ZNF573: variants seen among roughly 807,000 people sequenced by gnomAD.
ZNF573 encodes zinc finger protein 573.
Under a neutral mutation model 57.4 loss-of-function variants are expected in ZNF573, and 41 were observed. The ratio of observed to expected loss-of-function variants is 0.71; its 90% CI spans 0.56 to 0.93. ZNF573 has a LOEUF of 0.93. ZNF573 is among the 40% of genes least tolerant of loss of function. The pLI is 0.00. For missense variants in ZNF573, 730 were observed against 794.8 expected (o/e 0.92, Z 0.98); for synonymous variants, 249 against 261.0 (o/e 0.95, Z 0.44).
chr19:37,761,395 C>T (rs546995451), intron 4 of ZNF573, among the ~76,000 whole-genome samples: 3 of 152,012 alleles, frequency 2.0e-5, no homozygotes, highest in Admixed American at 1.3e-4. Flanking sequence ...CTTCTCTTGC[C>T]CTCCTGTCTC....
chr19:37,738,606 A>T lies in ZNF573; in HGVS notation c.1884T>A (p.His628Gln). The change falls in exon 5 of 5, where the codon CAT becomes CAA. Residue 628 changes from histidine to glutamine, a missense_variant. Physicochemically the swap from His to Gln is conservative, Grantham distance 24 (BLOSUM62 0). Transcript: ENST00000536220. ...AFSRASNLVQ[H>Q]ERIHTGEKPY... is the part of the protein sequence containing the mutation. The stretch of plus-strand genomic sequence containing the variant: ...GTTTCTCACCAGTATGAATTCTCTC[A>T]TGTTGAACAAGGTTTGAAGCACGAC... 1 of 1,611,484 alleles carries T rather than the reference A, an allele frequency of 6.2e-7. No homozygotes were observed. Among genetic ancestry groups the T allele is most frequent in the Non-Finnish European group, 8.5e-7 (1 of 1,178,824 alleles).
At chr19:37,767,722 A>G (rs1221529667) in intron 4 of ZNF573, among the ~76,000 whole-genome samples, 2 of 152,206 alleles carry the variant, frequency 1.3e-5, no homozygotes, top group Non-Finnish European at 2.9e-5. Context: ...TTTAGAGGAT[A>G]TAGAGGGGTC....
At chr19:37,758,771 G>A (rs1214772761) in intron 4 of ZNF573, among the ~76,000 whole-genome samples, 1 of 151,902 alleles carries the variant, frequency 6.6e-6, no homozygotes, top group African/African-American at 2.4e-5. Flanking sequence ...AGAAATGTCT[G>A]GTAATTCTTG....
intron 4 of ZNF573, among the ~76,000 whole-genome samples, chr19:37,753,657 C>G (rs2045460169): frequency 6.6e-6 from 1 of 152,054 alleles, no homozygotes; most frequent in Non-Finnish European, 1.5e-5. Context: ...TAAAAAGCCA[C>G]TATGTATACC....
chr19:37,778,764 C>G (rs931273713), intron 1 of ZNF573, among the ~76,000 whole-genome samples: 4 of 152,028 alleles, frequency 2.6e-5, no homozygotes, highest in Non-Finnish European at 5.9e-5. Context: ...CAGGCCTTTC[C>G]TTGAAGCACG....
intron 4 of ZNF573, among the ~76,000 whole-genome samples, chr19:37,766,827 T>C (rs910874442): frequency 6.6e-6 from 1 of 152,054 alleles, no homozygotes; most frequent in Admixed American, 6.6e-5. Flanking sequence ...ATAAAATAAA[T>C]AAAATAAACT....
intron 4 of ZNF573, among the ~76,000 whole-genome samples, chr19:37,760,823 A>C (rs1599698621): frequency 2.0e-5 from 3 of 151,840 alleles, no homozygotes; most frequent in East Asian, 3.9e-4. Flanking sequence ...GTCTGTCTGA[A>C]GAAAAAAAAA....
intron 4 of ZNF573, among the ~76,000 whole-genome samples, chr19:37,754,278 T>C (rs2045465939): frequency 6.6e-6 from 1 of 151,976 alleles, no homozygotes. Context: ...TCCCAGCACT[T>C]TGGGAGGCCG....
At chr19:37,753,948 A>G (rs985643545) in intron 4 of ZNF573, among the ~76,000 whole-genome samples, 4 of 152,068 alleles carry the variant, frequency 2.6e-5, no homozygotes, top group Admixed American at 6.6e-5. Flanking sequence ...ATATACAAGA[A>G]CTCTCACAAT....
chr19:37,743,293 C>T (rs925720940), intron 4 of ZNF573, among the ~76,000 whole-genome samples: 3 of 130,790 alleles, frequency 2.3e-5, no homozygotes, highest in African/African-American at 8.6e-5. Flanking sequence ...GCACTCCAGC[C>T]TGGGTGACAG....
chr19:37,766,265 CAGA>C (rs35140311), intron 4 of ZNF573, among the ~76,000 whole-genome samples: 38,296 of 151,870 alleles, frequency 0.25, 5,442 homozygotes, highest in East Asian at 0.62. Context: ...GAGAGACAAC[CAGA>C]AGGTTTATGC....
At chr19:37,748,461 G>A (rs574257118) in intron 4 of ZNF573, among the ~76,000 whole-genome samples, 175 of 150,118 alleles carry the variant, frequency 1.2e-3, no homozygotes, top group African/African-American at 4.0e-3. Flanking sequence ...AAACAAAAAC[G>A]ATCATTACGC....
At chr19:37,744,814 C>G (rs1297668194) in intron 4 of ZNF573, among the ~76,000 whole-genome samples, 2 of 151,270 alleles carry the variant, frequency 1.3e-5, no homozygotes, top group Non-Finnish European at 2.9e-5. Context: ...TGGCATCTCG[C>G]TCTGTCTCCT....
At chr19:37,766,625 T>A (rs773657281) in intron 4 of ZNF573, among the ~76,000 whole-genome samples, 1 of 152,226 alleles carries the variant, frequency 6.6e-6, no homozygotes, top group Non-Finnish European at 1.5e-5. Flanking sequence ...AAGACCAGCC[T>A]TAAACCAAAC....
intron 4 of ZNF573, among the ~76,000 whole-genome samples, chr19:37,768,698 C>G (rs975355442): frequency 2.6e-5 from 4 of 152,074 alleles, no homozygotes; most frequent in Admixed American, 2.6e-4. Context: ...TGGAGTCTCT[C>G]TCAGTCGCCC....
intron 4 of ZNF573, among the ~76,000 whole-genome samples, chr19:37,764,192 A>C (rs1377413208): frequency 6.6e-6 from 1 of 152,168 alleles, no homozygotes; most frequent in African/African-American, 2.4e-5. Context: ...AGAAAATTTC[A>C]ATTAAACACC....
chr19:37,769,054 A>C (rs1346156620), intron 4 of ZNF573, among the ~76,000 whole-genome samples: 2 of 150,172 alleles, frequency 1.3e-5, no homozygotes, highest in African/African-American at 4.9e-5. Context: ...AACCTCTGCC[A>C]CCTGGGTTCA....
intron 1 of ZNF573, among the ~76,000 whole-genome samples, chr19:37,775,175 C>T (rs2045696616): frequency 6.6e-6 from 1 of 151,976 alleles, no homozygotes; most frequent in Admixed American, 6.6e-5. Context: ...CACCACCATG[C>T]CTGGCTAATT....
At chr19:37,749,959 G>A (rs766826533) in intron 4 of ZNF573, among the ~76,000 whole-genome samples, 1 of 151,944 alleles carries the variant, frequency 6.6e-6, no homozygotes, top group South Asian at 2.1e-4. Context: ...AAAGCACAAT[G>A]GAAACTGAAG....
Sources: gnomAD v4.1 joint callset for allele counts (sites outside exome capture counted in the v4.1 genomes callset) on GRCh38, gnomAD v4.1.1 for gene constraint, MANE v1.5 for transcripts, NCBI Gene and HGNC (gene_info 2026-07-23, HGNC 2026-07-21) for gene names.